Variants in CCDC148 observed in about 807,000 individuals in gnomAD.
CCDC148 encodes the protein coiled-coil domain containing 148.
CCDC148 carries 89 observed loss-of-function variants against 85.7 expected under a neutral mutation model. The ratio of observed to expected loss-of-function variants is 1.04; its 90% CI spans 0.87 to 1.24. The LOEUF (loss-of-function observed/expected upper bound fraction) is 1.24, where lower values mean the gene tolerates loss of function less well. Ranked by LOEUF, CCDC148 falls within the 50% of genes most tolerant of loss-of-function variation. The pLI, the probability that CCDC148 is intolerant of heterozygous loss-of-function variation, is 0.00. For missense variants in CCDC148, 692 were observed against 671.7 expected, an observed-to-expected ratio of 1.03 and a Z score of -0.33; for synonymous variants, 230 against 213.9, an observed-to-expected ratio of 1.08 and a Z score of -0.66.
intron 1 of CCDC148, among the ~76,000 whole-genome samples, chr2:158,410,355 A>C (rs955918888): frequency 6.6e-6 from 1 of 152,124 alleles, no homozygotes; most frequent in Non-Finnish European, 1.5e-5. Context: ...TATTTAATGT[A>C]ATTATTGATA....
At chr2:158,391,999 C>A (rs1249057374) in intron 1 of CCDC148, among the ~76,000 whole-genome samples, 1 of 152,070 alleles carries the variant, frequency 6.6e-6, no homozygotes, top group Admixed American at 6.6e-5. Context: ...TCTCCCTTTC[C>A]CCATGAGACA....
chr2:158,305,640 G>GCACCA (rs1380924968), intron 9 of CCDC148, among the ~76,000 whole-genome samples: 1 of 151,520 alleles, frequency 6.6e-6, no homozygotes, highest in Non-Finnish European at 1.5e-5. Context: ...TGTGGTCTCA[G>GCACCA]CTATTTGGAA....
intron 1 of CCDC148, among the ~76,000 whole-genome samples, chr2:158,405,634 A>G (rs971145469): frequency 6.6e-6 from 1 of 152,206 alleles, no homozygotes. Context: ...TGTGAATAAA[A>G]TGTGTTAAGT....
chr2:158,276,242 C>A (rs757351728), intron 9 of CCDC148, among the ~76,000 whole-genome samples: 6 of 151,956 alleles, frequency 3.9e-5, no homozygotes, highest in Non-Finnish European at 7.4e-5. Context: ...ACCAGCCTGG[C>A]CAATATGGTG....
intron 2 of CCDC148, among the ~76,000 whole-genome samples, chr2:158,351,258 C>T (rs549421707): frequency 1.7e-4 from 26 of 152,340 alleles, no homozygotes; most frequent in Admixed American, 8.5e-4. Context: ...GGAACAGCTC[C>T]GGTCTACAGC....
intron 1 of CCDC148, among the ~76,000 whole-genome samples, chr2:158,413,249 C>T (rs1304342045): frequency 6.6e-6 from 1 of 151,996 alleles, no homozygotes; most frequent in African/African-American, 2.4e-5. Context: ...AACATATTAT[C>T]CCATTAAACT....
At chr2:158,336,497 G>A (rs1004438141) in intron 7 of CCDC148, among the ~76,000 whole-genome samples, 1 of 152,142 alleles carries the variant, frequency 6.6e-6, no homozygotes, top group African/African-American at 2.4e-5. Context: ...TAGAGGCAAA[G>A]CCATATACTA....
intron 1 of CCDC148, among the ~76,000 whole-genome samples, chr2:158,421,884 C>T (rs1686807295): frequency 6.6e-6 from 1 of 151,674 alleles, no homozygotes; most frequent in African/African-American, 2.4e-5. Flanking sequence ...CAAATAGACG[C>T]AATAAAAAAT....
intron 11 of CCDC148, among the ~76,000 whole-genome samples, chr2:158,195,971 A>C (rs544816630): frequency 1.7e-4 from 26 of 152,242 alleles, no homozygotes; most frequent in Admixed American, 1.7e-3. Flanking sequence ...ATAGCAATCC[A>C]TAGGGAATCA....
Position 158,396,966 on chromosome 2 carries a change from C to G in CCDC148, c.26-38396G>C, listed in dbSNP as rs141566151. ...AGAACTTGAAATTCATTTGGAAACT[C>G]TTATGGAATATGGAGTCTTTCAAAA... On this transcript the variant is annotated intron_variant, in intron 1 of 13. Coordinates refer to ENST00000283233, the MANE Select transcript of CCDC148 (RefSeq NM_138803.4). Among the ~76,000 whole-genome samples the G allele has an allele frequency of 5.9e-3, 897 of 152,110 alleles. 5 individuals carry two copies. Among genetic ancestry groups the G allele is most frequent in the Non-Finnish European group, 0.01 (704 of 67,990 alleles).
At chr2:158,311,493 G>A (rs926270992) in intron 8 of CCDC148, among the ~76,000 whole-genome samples, 7 of 152,110 alleles carry the variant, frequency 4.6e-5, no homozygotes, top group Non-Finnish European at 8.8e-5. Context: ...GGGGGAGACC[G>A]TGGAAAGCGG....
intron 9 of CCDC148, among the ~76,000 whole-genome samples, chr2:158,274,230 T>C (rs1689823253): frequency 6.6e-6 from 1 of 152,204 alleles, no homozygotes; most frequent in Non-Finnish European, 1.5e-5. Context: ...AGATATGCAG[T>C]CTCAGGCTTC....
chr2:158,431,912 G>A (rs1041866697), intron 1 of CCDC148, among the ~76,000 whole-genome samples: 3 of 151,830 alleles, frequency 2.0e-5, no homozygotes, highest in African/African-American at 4.8e-5. Flanking sequence ...ACTCCAGCCT[G>A]GGCAACAGAG....
At chr2:158,286,142 T>C (rs1162417319) in intron 9 of CCDC148, among the ~76,000 whole-genome samples, 2 of 152,130 alleles carry the variant, frequency 1.3e-5, no homozygotes, top group African/African-American at 4.8e-5. Flanking sequence ...ATAAATTATA[T>C]TTTTATGTTC....
chr2:158,292,742 A>G (rs1690952044), intron 9 of CCDC148, among the ~76,000 whole-genome samples: 1 of 152,208 alleles, frequency 6.6e-6, no homozygotes, highest in Admixed American at 6.5e-5. Context: ...TATGCAATCT[A>G]TAGGGATTGC....
At chr2:158,222,519 T>G (rs1649991371) in intron 10 of CCDC148, among the ~76,000 whole-genome samples, 1 of 152,074 alleles carries the variant, frequency 6.6e-6, no homozygotes, top group Admixed American at 6.5e-5. Context: ...CACTGAGACC[T>G]CTGGAACCCC....
intron 1 of CCDC148, among the ~76,000 whole-genome samples, chr2:158,432,858 G>A (rs1687417989): frequency 6.6e-6 from 1 of 151,208 alleles, no homozygotes; most frequent in Non-Finnish European, 1.5e-5. Context: ...CAGATCACCT[G>A]AGGTTAGGAG....
chr2:158,382,356 A>G (rs1325749925), intron 1 of CCDC148, among the ~76,000 whole-genome samples: 2 of 152,152 alleles, frequency 1.3e-5, no homozygotes, highest in African/African-American at 4.8e-5. Flanking sequence ...TTATTGGGAA[A>G]AGGGCTGAGA....
At chr2:158,334,827 G>T (rs1047420804) in intron 7 of CCDC148, among the ~76,000 whole-genome samples, 1 of 151,522 alleles carries the variant, frequency 6.6e-6, no homozygotes, top group Non-Finnish European at 1.5e-5. Context: ...TTTATATTTG[G>T]CTGCGCAAGT....
Sources: gnomAD v4.1 joint callset for allele counts (sites outside exome capture counted in the v4.1 genomes callset) on GRCh38, gnomAD v4.1.1 for gene constraint, MANE v1.5 for transcripts, NCBI Gene and HGNC (gene_info 2026-07-23, HGNC 2026-07-21) for gene names.